The following BMERB1 variants were observed in gnomAD, a reference collection of about 807,000 sequenced individuals.
BMERB1 encodes the protein bMERB domain containing 1.
BMERB1 carries 12 observed loss-of-function variants against 23.6 expected under a neutral mutation model. The observed-to-expected ratio is 0.51, with a 90% CI of 0.33 to 0.82. BMERB1 has a LOEUF of 0.82. Ranked by LOEUF, BMERB1 falls within the 40% of genes least tolerant of loss-of-function variation. The pLI is 0.03. For synonymous variants in BMERB1, 122 were observed against 96.6 expected (o/e 1.26, Z -1.54); for missense variants, 247 against 255.4 (o/e 0.97, Z 0.22).
At chr16:15,565,588 C>G (rs560214136) in intron 2 of BMERB1, among the ~76,000 whole-genome samples, 75 of 152,328 alleles carry the variant, frequency 4.9e-4, no homozygotes, top group Non-Finnish European at 9.1e-4. Flanking sequence ...GTGGCTCACG[C>G]CTGTAATCCC....
At chr16:15,506,021 A>G (rs1430961560) in intron 1 of BMERB1, among the ~76,000 whole-genome samples, 1 of 152,012 alleles carries the variant, frequency 6.6e-6, no homozygotes, top group Non-Finnish European at 1.5e-5. Flanking sequence ...TTTTGACCTT[A>G]GAGCATGGGC....
At chr16:15,511,919 A>G (rs936905814) in intron 1 of BMERB1, among the ~76,000 whole-genome samples, 2 of 144,394 alleles carry the variant, frequency 1.4e-5, no homozygotes, top group Admixed American at 1.5e-4. Context: ...AGGCTGAGGC[A>G]GGAGAATTGC....
At chr16:15,524,481 T>C (rs902225795) in intron 2 of BMERB1, among the ~76,000 whole-genome samples, 2 of 152,040 alleles carry the variant, frequency 1.3e-5, no homozygotes, top group Admixed American at 1.3e-4. Flanking sequence ...GAGAAATACA[T>C]GTTAGTCTGG....
chr16:15,473,122 A>G (rs925873818), intron 1 of BMERB1, among the ~76,000 whole-genome samples: 1 of 151,854 alleles, frequency 6.6e-6, no homozygotes, highest in East Asian at 1.9e-4. Flanking sequence ...AGCCTCCCGA[A>G]GTGTTGGGAT....
At chr16:15,540,353 C>G (rs1598505943) in intron 2 of BMERB1, among the ~76,000 whole-genome samples, 1 of 151,872 alleles carries the variant, frequency 6.6e-6, no homozygotes, top group African/African-American at 2.4e-5. Flanking sequence ...TGGCAAAACC[C>G]CGTCTCTACT....
At chr16:15,541,848 C>T (rs1194651969) in intron 2 of BMERB1, among the ~76,000 whole-genome samples, 2 of 151,218 alleles carry the variant, frequency 1.3e-5, no homozygotes, top group Non-Finnish European at 2.9e-5. Flanking sequence ...ATGATCCGCC[C>T]GCCTCGGCCT....
chr16:15,483,095 C>G (rs1296754503), intron 1 of BMERB1, among the ~76,000 whole-genome samples: 3 of 152,198 alleles, frequency 2.0e-5, no homozygotes, highest in Non-Finnish European at 4.4e-5. Context: ...TTTCCCATAT[C>G]CTGCCTTTTT....
intron 1 of BMERB1, among the ~76,000 whole-genome samples, chr16:15,468,289 G>A (rs572894489): frequency 5.3e-5 from 8 of 151,410 alleles, no homozygotes; most frequent in South Asian, 2.1e-4. Flanking sequence ...GGGACTATAG[G>A]TGTGCACCTC....
chr16:15,538,992 A>C (rs2052053680), intron 2 of BMERB1, among the ~76,000 whole-genome samples: 1 of 152,122 alleles, frequency 6.6e-6, no homozygotes, highest in Non-Finnish European at 1.5e-5. Flanking sequence ...TTTTCCATGG[A>C]CCAGGGATGG....
intron 2 of BMERB1, chr16:15,533,162 CT>C (rs2051986598): frequency 3.1e-6 from 1 of 325,284 alleles, no homozygotes; most frequent in Non-Finnish European, 6.1e-6. Context: ...TGTTACTTTC[CT>C]TTACCACCAG....
chr16:15,450,362 A>T (rs1450877061), intron 1 of BMERB1, among the ~76,000 whole-genome samples: 1 of 152,228 alleles, frequency 6.6e-6, no homozygotes, highest in African/African-American at 2.4e-5. Flanking sequence ...TGTAGAAGTC[A>T]TCCTTAGCTC....
intron 1 of BMERB1, among the ~76,000 whole-genome samples, chr16:15,509,929 A>T (rs2051642153): frequency 6.6e-6 from 1 of 152,178 alleles, no homozygotes; most frequent in Non-Finnish European, 1.5e-5. Context: ...AAATCTAATG[A>T]GACAGAAAAG....
intron 1 of BMERB1, among the ~76,000 whole-genome samples, chr16:15,456,427 C>A (rs371335697): frequency 1.1e-4 from 16 of 151,908 alleles, no homozygotes; most frequent in African/African-American, 3.6e-4. Context: ...ACCTCTGCCT[C>A]CCAGGTTCAA....
At chr16:15,552,439 CAAAAA>C (rs375736789) in intron 2 of BMERB1, among the ~76,000 whole-genome samples, 1 of 142,580 alleles carries the variant, frequency 7.0e-6, no homozygotes, top group East Asian at 2.0e-4. Context: ...GACTCCATCT[CAAAAA>C]AAAAAAGAAG....
At chr16:15,560,681 T>C (rs772369873) in intron 2 of BMERB1, among the ~76,000 whole-genome samples, 10 of 151,688 alleles carry the variant, frequency 6.6e-5, no homozygotes, top group Non-Finnish European at 1.3e-4. Flanking sequence ...TAGTCCCAGC[T>C]ACTCTGGAGG....
chr16:15,578,474 A>C (rs879693701), intron 3 of BMERB1, among the ~76,000 whole-genome samples: 1 of 152,106 alleles, frequency 6.6e-6, no homozygotes, highest in Non-Finnish European at 1.5e-5. Flanking sequence ...GCAACTTACA[A>C]ATTACTTTGG....
At chr16:15,481,225 A>T (rs536129303) in intron 1 of BMERB1, among the ~76,000 whole-genome samples, 26 of 152,278 alleles carry the variant, frequency 1.7e-4, no homozygotes, top group African/African-American at 2.6e-4. Flanking sequence ...GCTAAAAAAA[A>T]AATAATAATA....
intron 2 of BMERB1, chr16:15,537,039 T>C (rs1249562973): frequency 6.6e-6 from 1 of 152,184 alleles, no homozygotes; most frequent in African/African-American, 2.4e-5. Flanking sequence ...CATAATGAAA[T>C]GTGTGTTTGT....
intron 5 of BMERB1, 36 bp from the exon 6 acceptor site, chr16:15,586,681 T>C: frequency 6.6e-7 from 1 of 1,524,182 alleles, no homozygotes; most frequent in African/African-American, 1.4e-5. Context: ...CTCTGTTCCT[T>C]TCTCCCCCTC....
Sources: gnomAD v4.1 joint callset for allele counts (sites outside exome capture counted in the v4.1 genomes callset) on GRCh38, gnomAD v4.1.1 for gene constraint, MANE v1.5 for transcripts, NCBI Gene and HGNC (gene_info 2026-07-23, HGNC 2026-07-21) for gene names.